The following DPY19L1 variants were observed in gnomAD, a reference collection of about 807,000 sequenced individuals.
DPY19L1 encodes the protein dpy-19 like C-mannosyltransferase 1, also known as protein C-mannosyl-transferase DPY19L1.
A neutral mutation model predicts 96.9 loss-of-function variants in DPY19L1; 35 were observed. That is an observed-to-expected ratio of 0.36 (90% confidence interval 0.28 to 0.48). The LOEUF is 0.48. Ranked by LOEUF, DPY19L1 falls within the 20% of genes least tolerant of loss-of-function variation. The pLI, the probability that DPY19L1 is intolerant of heterozygous loss-of-function variation, is 0.99. For synonymous variants in DPY19L1, 205 were observed against 252.6 expected, an observed-to-expected ratio of 0.81 and a Z score of 1.79; for missense variants, 521 against 777.9, an observed-to-expected ratio of 0.67 and a Z score of 3.93.
chr7:34,951,083 A>G (rs1468383137), intron 13 of DPY19L1, among the ~76,000 whole-genome samples: 1 of 152,150 alleles, frequency 6.6e-6, no homozygotes, highest in South Asian at 2.1e-4. Context: ...AATAAATATT[A>G]TATGCTAGTA....
chr7:35,020,239 T>A (rs1185882533), intron 1 of DPY19L1, among the ~76,000 whole-genome samples: 5 of 152,254 alleles, frequency 3.3e-5, no homozygotes, highest in Non-Finnish European at 5.9e-5. Flanking sequence ...CCATTGAATG[T>A]AAATGCAACT....
rs1024773794 is a variant in DPY19L1 at position 34,986,834 on chromosome 7, G to A, written c.822+3050C>T. Among the ~76,000 whole-genome samples, 12 of 151,960 alleles carry A rather than the reference G, an allele frequency of 7.9e-5. No homozygotes were observed. In the South Asian group the frequency reaches 1.0e-3, roughly 13 times the overall value. ...CGTTAATTTACTTTGAAGTACTTTC[G>A]GGGGCAATCCTTTCATTTACTTTGA... On this transcript the variant is annotated intron_variant, in intron 7 of 21. Coordinates refer to ENST00000638088, the MANE Select transcript of DPY19L1 (RefSeq NM_001366673.1).
intron 10 of DPY19L1, among the ~76,000 whole-genome samples, chr7:34,959,298 T>C (rs1005804747): frequency 2.0e-5 from 3 of 152,168 alleles, no homozygotes; most frequent in African/African-American, 4.8e-5. Flanking sequence ...TTGTGGAAGA[T>C]AGTGTGACAA....
intron 14 of DPY19L1, among the ~76,000 whole-genome samples, chr7:34,949,365 C>T (rs1341491465): frequency 6.6e-6 from 1 of 152,168 alleles, no homozygotes; most frequent in Non-Finnish European, 1.5e-5. Flanking sequence ...CTACTCTCTG[C>T]TTTCCTTCTA....
chr7:34,943,174 T>A (rs1038961589), intron 16 of DPY19L1, among the ~76,000 whole-genome samples: 1 of 152,202 alleles, frequency 6.6e-6, no homozygotes, highest in African/African-American at 2.4e-5. Context: ...ATCAATAAAC[T>A]GTTAATCCAG....
At chr7:35,027,199 C>T (rs369329847) in intron 1 of DPY19L1, among the ~76,000 whole-genome samples, 3 of 151,546 alleles carry the variant, frequency 2.0e-5, no homozygotes, top group East Asian at 3.9e-4. Context: ...AGCAAAACTC[C>T]GTCTCAAAGA....
In DPY19L1 at chr7:34,950,096, A is replaced by G. The variant is rs538508405; in HGVS notation, c.1321-198T>C. Among the ~76,000 whole-genome samples the G allele has an allele frequency of 6.6e-3, 1,006 of 152,140 alleles. 12 individuals are homozygous for G. Among genetic ancestry groups the G allele is most frequent in the African/African-American group, 0.023 (951 of 41,486 alleles). On this transcript the variant is annotated intron_variant, in intron 13 of 21. Coordinates refer to ENST00000638088, the MANE Select transcript of DPY19L1 (RefSeq NM_001366673.1). The stretch of plus-strand genomic sequence containing the variant: ...CTTTTGCTGAATAGTGATAGCTCCA[A>G]TGACACCCTACCTTCCACACTCATC...
chr7:34,981,332 G>A (rs577903301), intron 7 of DPY19L1, among the ~76,000 whole-genome samples: 10 of 152,246 alleles, frequency 6.6e-5, no homozygotes, highest in African/African-American at 2.4e-4. Context: ...ACCATTAAAT[G>A]TAGATGAAAT....
intron 10 of DPY19L1, 93 bp from the exon 11 acceptor site, chr7:34,958,163 A>G (rs1784419024): frequency 1.3e-6 from 1 of 791,316 alleles, no homozygotes; most frequent in African/African-American, 1.8e-5. Flanking sequence ...CATAATAAAC[A>G]AAATTCAAAC....
chr7:34,977,769 CATT>C (rs1784859564), intron 7 of DPY19L1, among the ~76,000 whole-genome samples: 2 of 151,990 alleles, frequency 1.3e-5, no homozygotes, highest in East Asian at 3.9e-4. Context: ...TTTTTAAAGG[CATT>C]ATTTTGAAAT....
At chr7:34,969,649 A>G (rs1784684480) in intron 8 of DPY19L1, 117 bp from the exon 9 acceptor site, 4 of 491,270 alleles carry the variant, frequency 8.1e-6, no homozygotes, top group Non-Finnish European at 1.4e-5. Context: ...CACAACCTAA[A>G]CATAAAATGA....
intron 6 of DPY19L1, among the ~76,000 whole-genome samples, chr7:34,991,678 T>C (rs978976394): frequency 6.6e-6 from 1 of 152,178 alleles, no homozygotes; most frequent in African/African-American, 2.4e-5. Flanking sequence ...GGAAAAAAAG[T>C]GATTTTCTCA....
chr7:34,944,726 A>G (rs772273035), intron 16 of DPY19L1, among the ~76,000 whole-genome samples: 69 of 152,224 alleles, frequency 4.5e-4, no homozygotes, highest in Admixed American at 5.9e-4. Context: ...CACATAACAC[A>G]CAATACTACA....
chr7:35,026,822 T>C (rs1353929047), intron 1 of DPY19L1, among the ~76,000 whole-genome samples: 1 of 151,974 alleles, frequency 6.6e-6, no homozygotes, highest in Non-Finnish European at 1.5e-5. Flanking sequence ...AGAAAGTCAT[T>C]CTTAAGAAGA....
intron 6 of DPY19L1, among the ~76,000 whole-genome samples, chr7:35,003,876 G>T (rs551570817): frequency 6.6e-6 from 1 of 152,286 alleles, no homozygotes; most frequent in East Asian, 1.9e-4. Context: ...GCCACTTCTG[G>T]GTGATAAAGC....
chr7:34,959,919 A>G (rs201352398), intron 10 of DPY19L1, among the ~76,000 whole-genome samples: 1 of 15,586 alleles, frequency 6.4e-5, no homozygotes, highest in South Asian at 2.0e-3. Context: ...ATATATATAT[A>G]TATATTTATA....
At chr7:34,966,471 T>C (rs1488974634) in intron 10 of DPY19L1, among the ~76,000 whole-genome samples, 2 of 152,090 alleles carry the variant, frequency 1.3e-5, no homozygotes, top group Non-Finnish European at 1.5e-5. Flanking sequence ...ATTTTTTATT[T>C]TGTAGAGATG....
chr7:34,935,662 T>A (rs1783853646), intron 21 of DPY19L1, among the ~76,000 whole-genome samples: 1 of 152,120 alleles, frequency 6.6e-6, no homozygotes, highest in Admixed American at 6.5e-5. Context: ...CTTCCCCCAT[T>A]CCAACATACT....
chr7:34,950,753 AG>A, intron 13 of DPY19L1, among the ~76,000 whole-genome samples: 1 of 152,344 alleles, frequency 6.6e-6, no homozygotes, highest in East Asian at 1.9e-4. Context: ...AGAAATCAAT[AG>A]GAAGAATATA....
Sources: allele counts gnomAD v4.1 joint callset (sites outside exome capture counted in the v4.1 genomes callset), GRCh38; gene constraint gnomAD v4.1.1; transcripts MANE v1.5; gene names NCBI Gene and HGNC (gene_info 2026-07-23, HGNC 2026-07-21).